NBPF15: variants seen among roughly 807,000 people sequenced by gnomAD.
NBPF15 encodes NBPF family member NBPF15.
Under a neutral mutation model 62.2 loss-of-function variants are expected in NBPF15, and 74 were observed. The observed-to-expected ratio is 1.19, with a 90% CI of 0.99 to 1.44. The LOEUF is 1.44. NBPF15 is among the 40% of genes most tolerant of loss of function. The probability of loss-of-function intolerance (pLI) is 0.00; values close to 1 mark genes in which losing one functional copy is unlikely to be tolerated. For missense variants in NBPF15, 790 were observed against 550.0 expected, an observed-to-expected ratio of 1.44 and a Z score of -4.36; for synonymous variants, 244 against 209.7, an observed-to-expected ratio of 1.16 and a Z score of -1.41.
rs1490630722 is a variant in NBPF15, at chr1:144,461,448, C to T, written c.-1005G>A. The T allele has an allele frequency of 1.3e-5, 2 of 152,294 alleles. No individual in the cohort carries two copies. The highest frequency in any genetic ancestry group is 4.8e-5 in the African/African-American group (2 of 41,408). 9.4% of individuals were successfully genotyped at this position (152,294 alleles called of 1,614,324 possible). A position where few individuals can be genotyped will look rare whatever the true frequency, so the allele number is the denominator to read the frequency against. On this transcript the variant is annotated 5_prime_UTR_variant, in exon 1 of 22. Coordinates refer to ENST00000581897, the MANE Select transcript of NBPF15 (RefSeq NM_001385408.1). Reference sequence around the variant, plus strand: ...GGGTGGACTTCGCTGTAAACCGTAACTTCCCATCCAGACGGCATCCGTGCG... The same window carrying T: ...GGGTGGACTTCGCTGTAAACCGTAATTTCCCATCCAGACGGCATCCGTGCG...
At chr1:144,423,405 T>C (rs1487422357) in intron 21 of NBPF15, 149 bp from the exon 22 acceptor site, 56 of 1,526,446 alleles carry the variant, frequency 3.7e-5, no homozygotes, top group Non-Finnish European at 4.9e-5. Flanking sequence ...TTATTGCCTT[T>C]ATGTTGGGAT....
At chr1:144,454,922 A>G (rs1435250831) in intron 4 of NBPF15, among the ~76,000 whole-genome samples, 1 of 151,136 alleles carries the variant, frequency 6.6e-6, no homozygotes, top group Non-Finnish European at 1.5e-5. Context: ...CTCCCTGCCT[A>G]CAAGACAGAA....
intron 6 of NBPF15, among the ~76,000 whole-genome samples, chr1:144,448,347 A>G (rs1343463230): frequency 2.0e-5 from 3 of 152,052 alleles, no homozygotes; most frequent in Non-Finnish European, 4.4e-5. Context: ...GTGTCCAGAC[A>G]TTCCTGGTGG....
chr1:144,440,029 G>C lies in NBPF15; in HGVS notation c.-26C>G. The C allele has an allele frequency of 6.2e-7, 1 of 1,604,106 alleles. No individual in the cohort carries two copies. Among genetic ancestry groups the C allele is most frequent in the Non-Finnish European group, 8.5e-7 (1 of 1,172,724 alleles). ...GCTGACGTTTGTGGCAGAAGAGGTGGAGTCAGGGACTGGGGAGAAGAAACC... is the reference window on the plus strand; with the variant it reads ...GCTGACGTTTGTGGCAGAAGAGGTGCAGTCAGGGACTGGGGAGAAGAAACC... On this transcript the variant is annotated 5_prime_UTR_variant, in exon 8 of 22. Transcript: ENST00000581897.
chr1:144,440,586 ATG>A (rs1571138567), intron 6 of NBPF15: 2 of 221,256 alleles, frequency 9.0e-6, no homozygotes, highest in Admixed American at 5.1e-5. Flanking sequence ...TATTTTCTTA[ATG>A]GTAGTCATGA....
At chr1:144,453,558 G>C (rs587671636) in intron 4 of NBPF15, among the ~76,000 whole-genome samples, 1 of 122,894 alleles carries the variant, frequency 8.1e-6, no homozygotes, top group Admixed American at 1.0e-4. Context: ...CAGACTGGTA[G>C]AAAATATTTA....
In NBPF15 at chr1:144,447,964, G is replaced by A. The variant is rs1398825746; in HGVS notation, c.-191+811C>T. ...AGACCGCACGGCTCCAGAGTCAGGG[G>A]CAGCATCAGCCACTGTCGGCTGCTC... On this transcript the variant is annotated intron_variant, in intron 6 of 21. Coordinates refer to ENST00000581897, the MANE Select transcript of NBPF15 (RefSeq NM_001385408.1). Among the ~76,000 whole-genome samples the A allele has an allele frequency of 2.6e-5, 4 of 152,038 alleles. 1 individual carries two copies. The highest frequency in any genetic ancestry group is 4.4e-5 in the Non-Finnish European group (3 of 67,968).
At chr1:144,423,755 T>C (rs1667467233) in intron 21 of NBPF15, 115 bp downstream of exon 21, 1 of 703,028 alleles carries the variant, frequency 1.4e-6, no homozygotes, top group Non-Finnish European at 2.5e-6. Context: ...GCAATGACAG[T>C]AGGAGTAATT....
At chr1:144,450,487 C>A (rs1361781780) in intron 5 of NBPF15, among the ~76,000 whole-genome samples, 2 of 151,670 alleles carry the variant, frequency 1.3e-5, no homozygotes. Flanking sequence ...CTGTAGTGAA[C>A]CTGGAAAAAT....
chr1:144,444,369 A>G lies in NBPF15; in HGVS notation c.-190-4074T>C, dbSNP rs1363742747. On this transcript the variant is annotated intron_variant, in intron 6 of 21. Coordinates refer to ENST00000581897, the MANE Select transcript of NBPF15 (RefSeq NM_001385408.1). Reference sequence around the variant, plus strand: ...GGTTTTTCCTGGGCCTTAAAGCATGACGAAATAACGAAGGCATTCTTAACA... The same window carrying G: ...GGTTTTTCCTGGGCCTTAAAGCATGGCGAAATAACGAAGGCATTCTTAACA... 2.6e-5 allele frequency among the ~76,000 whole-genome samples: 4 copies of G among 151,718 alleles called. No homozygotes were observed. The East Asian group carries it at 7.7e-4, about 29-fold the overall frequency.
intron 2 of NBPF15, among the ~76,000 whole-genome samples, chr1:144,459,762 T>C (rs1651095773): frequency 1.3e-5 from 2 of 151,524 alleles, no homozygotes; most frequent in Non-Finnish European, 2.9e-5. Context: ...CAAAATGAAA[T>C]CACACTGATA....
At chr1:144,431,589 C>T (rs1306784616) in intron 13 of NBPF15, among the ~76,000 whole-genome samples, 1 of 140,802 alleles carries the variant, frequency 7.1e-6, no homozygotes, top group African/African-American at 2.6e-5. Context: ...TGTGCTTCAC[C>T]CATTAACTCA....
At chr1:144,445,348 TATATATACACAC>T (rs1209167459) in intron 6 of NBPF15, among the ~76,000 whole-genome samples, 140 of 130,092 alleles carry the variant, frequency 1.1e-3, no homozygotes, top group African/African-American at 3.9e-3. Flanking sequence ...TATATATATA[TATATATACACAC>T]ACACACACAC....
chr1:144,424,393 C>T (rs1668067353), intron 20 of NBPF15, among the ~76,000 whole-genome samples: 3 of 151,688 alleles, frequency 2.0e-5, no homozygotes, highest in South Asian at 4.2e-4. Context: ...TCTACAAACC[C>T]TTGAGTCAAA....
Position 144,423,010 on chromosome 1 carries a change from T to A in NBPF15, c.*3A>T, listed in dbSNP as rs1379999912. Reference sequence around the variant, plus strand: ...TGACATCTCTCGGCTTAGTAAGAGCTGCTTATTGTGGGAATATGACTCCCA... The same window carrying A: ...TGACATCTCTCGGCTTAGTAAGAGCAGCTTATTGTGGGAATATGACTCCCA... On this transcript the variant is annotated 3_prime_UTR_variant, in exon 22 of 22. Coordinates refer to ENST00000581897, the MANE Select transcript of NBPF15 (RefSeq NM_001385408.1). 2.5e-6 allele frequency: 4 copies of A among 1,611,552 alleles called. No homozygotes were observed. Among genetic ancestry groups the A allele is most frequent in the Non-Finnish European group, 3.4e-6 (4 of 1,179,640 alleles).
At chr1:144,444,575 G>T (rs1386681624) in intron 6 of NBPF15, among the ~76,000 whole-genome samples, 3 of 151,810 alleles carry the variant, frequency 2.0e-5, no homozygotes, top group African/African-American at 7.3e-5. Flanking sequence ...TGAGGTTCCA[G>T]AGGAAGGTCT....
chr1:144,451,504 G>A (rs1299465936), intron 4 of NBPF15, among the ~76,000 whole-genome samples: 1 of 151,848 alleles, frequency 6.6e-6, no homozygotes, highest in East Asian at 1.9e-4. Context: ...CTGTATTTCA[G>A]ACTATCACAT....
intron 6 of NBPF15, among the ~76,000 whole-genome samples, chr1:144,445,756 G>A (rs1553543880): frequency 6.6e-6 from 1 of 150,470 alleles, no homozygotes; most frequent in Non-Finnish European, 1.5e-5. Context: ...TCCATGACAA[G>A]GTTTATCTCC....
chr1:144,455,268 G>A (rs1214461003), intron 4 of NBPF15, among the ~76,000 whole-genome samples: 9 of 150,802 alleles, frequency 6.0e-5, no homozygotes, highest in Admixed American at 4.0e-4. Context: ...GAGAAGTAGG[G>A]AAGGGAGAGA....
Sources: allele counts gnomAD v4.1 joint callset (sites outside exome capture counted in the v4.1 genomes callset), GRCh38; gene constraint gnomAD v4.1.1; transcripts MANE v1.5; gene names NCBI Gene and HGNC (gene_info 2026-07-23, HGNC 2026-07-21).